The following CRACDL variants were observed in gnomAD, a reference collection of about 807,000 sequenced individuals.
CRACDL encodes CRACD like, also known as CRACD-like protein.
CRACDL carries 26 observed loss-of-function variants against 70.6 expected under a neutral mutation model. The ratio of observed to expected loss-of-function variants is 0.37; its 90% CI spans 0.27 to 0.51. The LOEUF (loss-of-function observed/expected upper bound fraction) is 0.51, where lower values mean the gene tolerates loss of function less well. CRACDL is among the 20% of genes least tolerant of loss of function. The pLI is 0.94. For synonymous variants in CRACDL, 618 were observed against 615.2 expected (o/e 1.00, Z -0.07); for missense variants, 1,283 against 1,376.9 (o/e 0.93, Z 1.08).
chr2:98,822,031 C>A lies in CRACDL; in HGVS notation c.2242G>T (p.Gly748Trp), dbSNP rs1332100784. 2 of 1,543,780 alleles carry A rather than the reference C, an allele frequency of 1.3e-6. No individual in the cohort carries two copies. The highest frequency in any genetic ancestry group is 2.5e-5 in the East Asian group (1 of 40,812). Residue 748 changes from glycine to tryptophan, a missense_variant, in exon 7 of 10, where the codon GGG becomes TGG. Coordinates refer to ENST00000397899, the MANE Select transcript of CRACDL (RefSeq NM_207362.3). This position sits in a 1 kb window ranked among gnomAD's most constrained non-coding sequence, Gnocchi z 4.9. ...AGCGGCTCGGGGGGCCGGGCCTTCC[C>A]CTTTCCTTGGTCGCTGGGGGCCCTG... Reference protein sequence around the residue: ...GTRAPSDQGKGKARPPEPLSS... With the variant: ...GTRAPSDQGKWKARPPEPLSS...
intron 3 of CRACDL, among the ~76,000 whole-genome samples, chr2:98,833,553 A>G (rs1159425469): frequency 6.6e-6 from 1 of 152,234 alleles, no homozygotes; most frequent in Non-Finnish European, 1.5e-5. Flanking sequence ...ACCTGGCACC[A>G]TCTGTGTGAC....
At chr2:98,838,902 C>T (rs868227692) in intron 2 of CRACDL, among the ~76,000 whole-genome samples, 8 of 152,136 alleles carry the variant, frequency 5.3e-5, no homozygotes, top group African/African-American at 1.9e-4. Flanking sequence ...TATTAGAATT[C>T]ACCACACTTT....
At chr2:98,858,222 G>A (rs1706785763) in intron 1 of CRACDL, among the ~76,000 whole-genome samples, 1 of 152,088 alleles carries the variant, frequency 6.6e-6, no homozygotes, top group Non-Finnish European at 1.5e-5. Context: ...AAGAAGAAAA[G>A]GCTGGGTGCA....
chr2:98,893,823 G>C (rs932918751), intron 1 of CRACDL, among the ~76,000 whole-genome samples: 1 of 152,186 alleles, frequency 6.6e-6, no homozygotes, highest in Admixed American at 6.5e-5. Flanking sequence ...AATCCATGCC[G>C]TCAGGGGTAG....
At chr2:98,809,336 A>C (rs1704457119) in intron 7 of CRACDL, among the ~76,000 whole-genome samples, 1 of 151,874 alleles carries the variant, frequency 6.6e-6, no homozygotes, top group South Asian at 2.1e-4. Flanking sequence ...TCTGGTTGTG[A>C]CCGCTTCTCA....
At chr2:98,866,475 C>CTTCTTTTTTTTTTTT (rs1707148998) in intron 1 of CRACDL, among the ~76,000 whole-genome samples, 1 of 43,232 alleles carries the variant, frequency 2.3e-5, no homozygotes, top group African/African-American at 1.0e-4. Flanking sequence ...ATCACTTCTT[C>CTTCTTTTTTTTTTTT]TTTTTTTTTT....
At chr2:98,844,448 T>C (rs1007820368) in intron 2 of CRACDL, among the ~76,000 whole-genome samples, 1 of 152,222 alleles carries the variant, frequency 6.6e-6, no homozygotes, top group Non-Finnish European at 1.5e-5. Flanking sequence ...GTGTTCTCCT[T>C]GTGTGCATAT....
intron 2 of CRACDL, among the ~76,000 whole-genome samples, chr2:98,845,671 G>T (rs1158075868): frequency 1.3e-5 from 2 of 152,126 alleles, no homozygotes; most frequent in East Asian, 1.9e-4. Context: ...TATGTATTCA[G>T]AACTAGCACT....
At chr2:98,909,968 C>T (rs1447487555) in intron 1 of CRACDL, among the ~76,000 whole-genome samples, 1 of 152,106 alleles carries the variant, frequency 6.6e-6, no homozygotes, top group Admixed American at 6.5e-5. Context: ...TGCATTTTGC[C>T]CCGATTCCCA....
At chr2:98,921,208 T>G (rs1024468681) in intron 1 of CRACDL, among the ~76,000 whole-genome samples, 7 of 152,132 alleles carry the variant, frequency 4.6e-5, no homozygotes, top group Non-Finnish European at 1.0e-4. Context: ...TCAGCCCCAG[T>G]CACAGAGCAG....
At chr2:98,845,168 G>A (rs1192121639) in intron 2 of CRACDL, among the ~76,000 whole-genome samples, 4 of 151,128 alleles carry the variant, frequency 2.6e-5, no homozygotes, top group African/African-American at 7.3e-5. Context: ...TCTCCAGGTT[G>A]CCATTTTCCT....
intron 5 of CRACDL, 144 bp downstream of exon 5, chr2:98,832,204 G>A (rs1320018971): frequency 4.9e-6 from 4 of 813,592 alleles, no homozygotes; most frequent in Non-Finnish European, 8.3e-6. Flanking sequence ...ACAGCTCAAG[G>A]GCTGATTGTA....
rs550788118 is a variant in CRACDL at position 98,820,691 on chromosome 2, G to A, written c.2416+1166C>T. 1.5e-4 allele frequency among the ~76,000 whole-genome samples: 23 copies of A among 152,350 alleles called. No individual in the cohort carries two copies. In the South Asian group the frequency reaches 4.1e-3, roughly 27 times the overall value. On this transcript the variant is annotated intron_variant, in intron 7 of 9. Coordinates refer to ENST00000397899, the MANE Select transcript of CRACDL (RefSeq NM_207362.3). Reference sequence around the variant, plus strand: ...GAGAAAGGTCATCTACTTTGTCTCTGCTCATTTCAAAAGACAGCTGCTTTC... The same window carrying A: ...GAGAAAGGTCATCTACTTTGTCTCTACTCATTTCAAAAGACAGCTGCTTTC...
intron 1 of CRACDL, among the ~76,000 whole-genome samples, chr2:98,896,478 C>T (rs1348387806): frequency 6.6e-6 from 1 of 152,132 alleles, no homozygotes; most frequent in Non-Finnish European, 1.5e-5. Context: ...AAACCTGTGC[C>T]CTACATTCAC....
intron 7 of CRACDL, among the ~76,000 whole-genome samples, chr2:98,816,603 G>C (rs558129314): frequency 3.3e-5 from 5 of 152,274 alleles, no homozygotes; most frequent in Admixed American, 3.3e-4. Context: ...AGGGAAGCAA[G>C]AACTCCAGGA....
intron 1 of CRACDL, among the ~76,000 whole-genome samples, chr2:98,882,439 G>A (rs914041235): frequency 3.9e-5 from 6 of 152,364 alleles, no homozygotes; most frequent in Admixed American, 2.6e-4. Context: ...GGAGAGTGAA[G>A]CTCATGGATT....
chr2:98,849,060 A>C (rs1484760310), intron 1 of CRACDL, among the ~76,000 whole-genome samples: 1 of 152,238 alleles, frequency 6.6e-6, no homozygotes, highest in Admixed American at 6.5e-5. Flanking sequence ...GTGCTGACCC[A>C]GTGAAGGGCA....
intron 2 of CRACDL, among the ~76,000 whole-genome samples, chr2:98,844,223 T>C (rs1364867408): frequency 6.6e-6 from 1 of 152,248 alleles, no homozygotes; most frequent in African/African-American, 2.4e-5. Flanking sequence ...TAAATAGAGA[T>C]AGTTTTATTT....
At chr2:98,923,270 CAAAA>C (rs1188228876) in intron 1 of CRACDL, among the ~76,000 whole-genome samples, 3 of 75,562 alleles carry the variant, frequency 4.0e-5, no homozygotes, top group Admixed American at 1.5e-4. Context: ...GACACTGTCT[CAAAA>C]AAAAAAAAAA....
Sources: gnomAD v4.1 joint callset for allele counts (sites outside exome capture counted in the v4.1 genomes callset) on GRCh38, gnomAD v4.1.1 for gene constraint, Gnocchi (gnomAD v3.1) non-coding constraint, MANE v1.5 for transcripts, NCBI Gene and HGNC (gene_info 2026-07-23, HGNC 2026-07-21) for gene names.